Variants in APOB observed in about 807,000 individuals in gnomAD.
APOB encodes the protein apolipoprotein B-100.
In APOB, 153 loss-of-function variants were observed where a neutral mutation model predicts 314.1. That is an observed-to-expected ratio of 0.49 (90% confidence interval 0.43 to 0.56). The LOEUF is 0.56. APOB is among the 20% of genes least tolerant of loss of function. APOB has a pLI of 0.00. For missense variants in APOB, 5,430 were observed against 5,350.7 expected (o/e 1.01, Z -0.46); for synonymous variants, 2,087 against 2,036.4 (o/e 1.02, Z -0.67).
chr2:21,012,312 T>C lies in APOB; in HGVS notation c.4556A>G (p.Asn1519Ser), dbSNP rs1572785498. 6.2e-7 allele frequency: 1 copy of C among 1,614,176 alleles called. No homozygotes were observed. Among genetic ancestry groups the C allele is most frequent in the East Asian group, 2.2e-5 (1 of 44,876 alleles). The change falls in exon 26 of 29, where the codon AAC (asparagine) becomes AGC (serine). Residue 1519 changes from asparagine to serine, a missense_variant. Coordinates refer to ENST00000233242, the MANE Select transcript of APOB (RefSeq NM_000384.3). The stretch of plus-strand genomic sequence containing the variant: ...GAGGTAGGAGGAGTTAAACCTCAGG[T>C]TGGACTCTCCATTGAGCCGGCCAGT... ...PNTGRLNGES[N>S]LRFNSSYLQG...
chr2:21,016,995 A>AAAAT (rs771045012), intron 20 of APOB, among the ~76,000 whole-genome samples: 11,009 of 135,854 alleles, frequency 0.081, 593 homozygotes, highest in Middle Eastern at 0.14. Flanking sequence ...AAAAATAAAT[A>AAAAT]AATAAATAAA....
chr2:21,043,942 C>T lies in APOB; in HGVS notation c.4G>A (p.Asp2Asn), dbSNP rs1664204375. 2.3e-6 allele frequency: 3 copies of T among 1,331,146 alleles called. No individual in the cohort carries two copies. The African/African-American group carries it at 4.6e-5, about 21-fold the overall frequency. 82.5% of individuals were successfully genotyped at this position (1,331,146 alleles called of 1,614,324 possible). M[D>N]PPRPALLALL... is the part of the protein sequence containing the mutation. ...GCCAGCAGCGCGGGCCTCGGCGGGT[C>T]CATCGCCAGCTGCGGTGGGGCGGCT... The change falls in exon 1 of 29, where the codon GAC (aspartate) becomes AAC (asparagine). Residue 2 changes from aspartate (D) to asparagine (N), a missense_variant. Asp to Asn is a conservative substitution (Grantham distance 23, BLOSUM62 1). Around this residue, in one of 3 missense-constraint regions of APOB, gnomAD observed 2,085 missense variants for 2,079.7 expected, o/e 1.00. Transcript: ENST00000233242.
rs1663187429 is a variant in APOB, at chr2:21,007,800, G to A, written c.9068C>T (p.Ala3023Val). 1.2e-6 allele frequency: 2 copies of A among 1,614,004 alleles called. No individual in the cohort carries two copies. The highest frequency in any genetic ancestry group is 1.1e-5 in the South Asian group (1 of 91,076). The change falls in exon 26 of 29, where the codon GCT (alanine) becomes GTT (valine). Residue 3023 changes from alanine to valine, a missense_variant. Ala to Val is a moderately conservative substitution (Grantham distance 64). Coordinates refer to ENST00000233242, the MANE Select transcript of APOB (RefSeq NM_000384.3). ...GKAEFTGRHD[A>V]HLNGKVIGTL... ...TCCAATAACCTTTCCATTTAAATGA[G>A]CATCATGCCTCCCAGTAAACTCTGC... is the stretch of plus-strand genomic sequence containing the variant.
chr2:21,023,431 G>A (rs1274746326), intron 17 of APOB, 94 bp downstream of exon 17: 1 of 1,439,144 alleles, frequency 6.9e-7, no homozygotes, highest in Non-Finnish European at 9.8e-7. Flanking sequence ...ATTTTGTCTT[G>A]AAGTGGAAAC....
chr2:21,031,976 T>A (rs1481092309), intron 10 of APOB, among the ~76,000 whole-genome samples: 2 of 152,198 alleles, frequency 1.3e-5, no homozygotes, highest in Admixed American at 1.3e-4. Context: ...AGTGTGTTGA[T>A]GTTTGCAATT....
Position 21,028,475 on chromosome 2 carries a change from C to T in APOB, c.1681G>A (p.Ala561Thr), listed in dbSNP as rs1191786099. 1 of 1,614,006 alleles carries T rather than the reference C, an allele frequency of 6.2e-7. No individual in the cohort carries two copies. The highest frequency in any genetic ancestry group is 1.1e-5 in the South Asian group (1 of 91,072). ...GGACTCCTCATCAACATAAGATAGGCAGCCAGTCGCTTATCTCCCGGAGAA... is the reference window on the plus strand; with the variant it reads ...GGACTCCTCATCAACATAAGATAGGTAGCCAGTCGCTTATCTCCCGGAGAA... ...DASPGDKRLA[A>T]YLMLMRSPSQ... The change falls in exon 13 of 29, where the codon GCC becomes ACC. Residue 561 changes from alanine to threonine, a missense_variant. By Grantham distance (58) the Ala-to-Thr change is moderately conservative. Coordinates refer to ENST00000233242, the MANE Select transcript of APOB (RefSeq NM_000384.3).
Position 21,034,809 on chromosome 2 carries a change from C to T in APOB, c.904+7G>A. 1 of 1,551,892 alleles carries T rather than the reference C, an allele frequency of 6.4e-7. No homozygotes were observed. Among genetic ancestry groups the T allele is most frequent in the Non-Finnish European group, 8.9e-7 (1 of 1,123,244 alleles). ...TTTCCAGCAACTATGTGGACAGAAA[C>T]TCTTACCTTCACCAAAGAAGCGGCT... On this transcript the variant is annotated splice_region_variant and intron_variant, in intron 8 of 28. Coordinates refer to ENST00000233242, the MANE Select transcript of APOB (RefSeq NM_000384.3).
At chr2:21,020,060 A>G (rs2103367584) in intron 18 of APOB, among the ~76,000 whole-genome samples, 155 bp from the exon 19 acceptor site, 3 of 152,340 alleles carry the variant, frequency 2.0e-5, no homozygotes, top group Middle Eastern at 6.8e-3. Context: ...AAATAATATT[A>G]GAAAGAACAT....
At chr2:21,003,370 A>G (rs757166848) in intron 28 of APOB, 36 bp from the exon 29 acceptor site, 9 of 1,547,276 alleles carry the variant, frequency 5.8e-6, no homozygotes, top group African/African-American at 1.4e-5. Flanking sequence ...ACATGTTTTC[A>G]ATTACTCCAA....
chr2:21,035,111 A>T (rs541372741), intron 7 of APOB, among the ~76,000 whole-genome samples: 134 of 152,308 alleles, frequency 8.8e-4, no homozygotes, highest in African/African-American at 3.1e-3. Flanking sequence ...TGCGTGCCTT[A>T]TACTCTCCAC....
intron 24 of APOB, 83 bp downstream of exon 24, chr2:21,014,365 T>TA (rs2103361784): frequency 2.6e-6 from 4 of 1,535,314 alleles, no homozygotes; most frequent in East Asian, 2.3e-5. Flanking sequence ...TTTAAAAATT[T>TA]AAAAAAATGT....
Position 21,019,754 on chromosome 2 carries a change from C to T in APOB, c.2968G>A (p.Ala990Thr), listed in dbSNP as rs139434026. The change falls in exon 19 of 29, where the codon GCC becomes ACC. Residue 990 changes from alanine to threonine, a missense_variant. By Grantham distance (58) the Ala-to-Thr change is moderately conservative. Around this residue, in one of 3 missense-constraint regions of APOB, gnomAD observed 2,085 missense variants for 2,079.7 expected, o/e 1.00. Coordinates refer to ENST00000233242, the MANE Select transcript of APOB (RefSeq NM_000384.3). ...AYSNASSTDSASYYPLTGDTR... is the reference protein window; with the variant it reads ...AYSNASSTDSTSYYPLTGDTR... Reference sequence around the variant, plus strand: ...TCCCCGGTCAGCGGATAGTAGGAGGCGGAGTCTGTGGAGCTGGCGTTGGAG... The same window carrying T: ...TCCCCGGTCAGCGGATAGTAGGAGGTGGAGTCTGTGGAGCTGGCGTTGGAG... 6.8e-5 allele frequency: 109 copies of T among 1,613,966 alleles called. No homozygotes were observed. Among genetic ancestry groups the T allele is most frequent in the Non-Finnish European group, 7.3e-5 (86 of 1,180,018 alleles).
chr2:21,005,393 G>T lies in APOB; in HGVS notation c.11475C>A (p.Phe3825Leu), dbSNP rs1422000121. Residue 3825 changes from phenylalanine to leucine, a missense_variant, in exon 26 of 29, where the codon TTC becomes TTA. Coordinates refer to ENST00000233242, the MANE Select transcript of APOB (RefSeq NM_000384.3). ...CATCTGAAACACTTTTTGGAAGCGT[G>T]AACTGGGACACAGTTAACTGAGATT... Reference protein sequence around the residue: ...VPESQLTVSQFTLPKSVSDGI... With the variant: ...VPESQLTVSQLTLPKSVSDGI... 6.2e-7 allele frequency: 1 copy of T among 1,614,044 alleles called. No homozygotes were observed. Among genetic ancestry groups the T allele is most frequent in the East Asian group, 2.2e-5 (1 of 44,878 alleles).
Position 21,019,903 on chromosome 2 carries a change from T to C in APOB, c.2819A>G (p.Asn940Ser), listed in dbSNP as rs999130672. ...KRPVKLLSGG[N>S]TLHLVSTTKT... ...GGTGGTAGAGACCAAATGTAATGTGTTGCTGGTGAAGAACAAAAATACCTG... is the reference window on the plus strand; with the variant it reads ...GGTGGTAGAGACCAAATGTAATGTGCTGCTGGTGAAGAACAAAAATACCTG... Residue 940 changes from asparagine to serine, a missense_variant and splice_region_variant, in exon 19 of 29, where the codon AAC becomes AGC. This residue lies in a region of APOB where 2,085 missense variants were observed against 2,079.7 expected (regional missense o/e 1.00). Transcript: ENST00000233242. 6.2e-7 allele frequency: 1 copy of C among 1,614,186 alleles called. No homozygotes were observed. Among genetic ancestry groups the C allele is most frequent in the Non-Finnish European group, 8.5e-7 (1 of 1,180,026 alleles).
At chr2:21,031,864 C>CA (rs201106138) in intron 10 of APOB, among the ~76,000 whole-genome samples, 3,244 of 149,422 alleles carry the variant, frequency 0.022, 50 homozygotes, top group Middle Eastern at 0.11. Context: ...ACAACAACAA[C>CA]AAAAAAAAAC....
chr2:21,006,692 T>A lies in APOB; in HGVS notation c.10176A>T (p.Gly3392=), dbSNP rs930708561. The A allele has an allele frequency of 3.7e-6, 6 of 1,614,078 alleles. No individual in the cohort carries two copies. The highest frequency in any genetic ancestry group is 5.1e-6 in the Non-Finnish European group (6 of 1,179,990). ...GAGACAGAGCTGTGGCTAACTTCAA[T>A]CCCCTTTTTCTTGTCAATCTTGTGG... is the stretch of plus-strand genomic sequence containing the variant. ...EGTTRLTRKR[G]LKLATALSLS... Residue 3392 remains glycine, a synonymous_variant, in exon 26 of 29, where the codon GGA becomes GGT. Coordinates refer to ENST00000233242, the MANE Select transcript of APOB (RefSeq NM_000384.3).
intron 12 of APOB, 42 bp downstream of exon 12, chr2:21,029,597 T>C (rs376785751): frequency 2.0e-5 from 32 of 1,609,536 alleles, no homozygotes; most frequent in Admixed American, 3.3e-5. Context: ...CAAATCCTTG[T>C]TAATAAACTT....
Position 21,016,408 on chromosome 2 carries a change from T to G in APOB, c.3332+31A>C, listed in dbSNP as rs367768071. ...TGAAAAGAACCACCCAGGCCTGCAG[T>G]GCAGGTCAGATGACCCTCGGCCTTC... On this transcript the variant is annotated intron_variant, in intron 21 of 28. Coordinates refer to ENST00000233242, the MANE Select transcript of APOB (RefSeq NM_000384.3). 148 of 1,184,732 alleles carry G rather than the reference T, an allele frequency of 1.2e-4. 1 individual carries two copies. The highest frequency in any genetic ancestry group is 2.7e-4 in the Admixed American group (16 of 59,440). The allele number at this position is 1,184,732 out of a possible 1,614,324, so 73.4% of individuals were successfully genotyped here.
In APOB at chr2:21,008,589, C is replaced by T. The variant is rs1663216454; in HGVS notation, c.8279G>A (p.Ser2760Asn). 1.2e-6 allele frequency: 2 copies of T among 1,614,058 alleles called. No individual in the cohort carries two copies. The highest frequency in any genetic ancestry group is 1.7e-6 in the Non-Finnish European group (2 of 1,179,970). Residue 2760 changes from serine to asparagine, a missense_variant, in exon 26 of 29, where the codon AGT (serine) becomes AAT (asparagine). Ser to Asn is a conservative substitution (Grantham distance 46). Coordinates refer to ENST00000233242, the MANE Select transcript of APOB (RefSeq NM_000384.3). Reference protein sequence around the residue: ...IEVPTFGKLYSILKIQSPLFT... With the variant: ...IEVPTFGKLYNILKIQSPLFT... ...AAGAGGAGATTGGATTTTCAGAATA[C>T]TGTATAGCTTGCCAAAAGTAGGTAC...
Sources: gnomAD v4.1 joint callset for allele counts (sites outside exome capture counted in the v4.1 genomes callset) on GRCh38, gnomAD v4.1.1 for gene constraint, gnomAD v4.1.1 regional missense constraint, MANE v1.5 for transcripts, NCBI Gene and HGNC (gene_info 2026-07-23, HGNC 2026-07-21) for gene names.